The following LSAMP variants were observed in gnomAD, a reference collection of about 807,000 sequenced individuals.
The protein encoded by LSAMP is limbic system-associated membrane protein.
Under a neutral mutation model 38.6 loss-of-function variants are expected in LSAMP, and 7 were observed. The ratio of observed to expected loss-of-function variants is 0.18; its 90% CI spans 0.10 to 0.34. The LOEUF (loss-of-function observed/expected upper bound fraction) is 0.34, where lower values mean the gene tolerates loss of function less well. Ranked by LOEUF, LSAMP falls within the 10% of genes least tolerant of loss-of-function variation. LSAMP has a pLI of 1.00. For synonymous variants in LSAMP, 154 were observed against 166.8 expected (o/e 0.92, Z 0.59); for missense variants, 313 against 420.0 (o/e 0.75, Z 2.23).
At chr3:116,213,798 C>G (rs1004278089) in intron 1 of LSAMP, among the ~76,000 whole-genome samples, 1 of 152,044 alleles carries the variant, frequency 6.6e-6, no homozygotes, top group African/African-American at 2.4e-5. Flanking sequence ...GTGAAATAAG[C>G]CAGGCAGATG....
At chr3:116,247,527 G>T (rs1322563766) in intron 1 of LSAMP, among the ~76,000 whole-genome samples, 6 of 152,148 alleles carry the variant, frequency 3.9e-5, no homozygotes, top group African/African-American at 2.4e-5. Context: ...TGACATAGAA[G>T]AATAATATTA....
At chr3:116,173,752 T>C (rs1442745901) in intron 1 of LSAMP, among the ~76,000 whole-genome samples, 3 of 148,866 alleles carry the variant, frequency 2.0e-5, no homozygotes, top group Non-Finnish European at 4.4e-5. Flanking sequence ...CCTGCCATAA[T>C]AGAAGAAATA....
intron 1 of LSAMP, among the ~76,000 whole-genome samples, chr3:116,435,119 T>C (rs1003159841): frequency 4.6e-5 from 7 of 152,190 alleles, no homozygotes; most frequent in Non-Finnish European, 1.0e-4. Context: ...TCTGAGATTA[T>C]ACAGTAAGAG....
chr3:116,114,849 CTAT>C (rs750264337), intron 1 of LSAMP, among the ~76,000 whole-genome samples: 7 of 152,284 alleles, frequency 4.6e-5, no homozygotes, highest in Non-Finnish European at 8.8e-5. Flanking sequence ...TTTAGTTCAG[CTAT>C]TATGTCAGTG....
At chr3:115,854,250 A>G (rs965221514) in intron 3 of LSAMP, among the ~76,000 whole-genome samples, 1 of 124,294 alleles carries the variant, frequency 8.0e-6, no homozygotes, top group Admixed American at 9.3e-5. Flanking sequence ...ATATAGTTAA[A>G]TATTATTATT....
At chr3:116,103,761 G>C (rs576321228) in intron 1 of LSAMP, among the ~76,000 whole-genome samples, 1 of 152,076 alleles carries the variant, frequency 6.6e-6, no homozygotes, top group South Asian at 2.1e-4. Context: ...ACCTCTGCTA[G>C]ACTGTAAAAT....
intron 1 of LSAMP, among the ~76,000 whole-genome samples, chr3:116,185,587 T>C (rs963673761): frequency 6.6e-6 from 1 of 152,102 alleles, no homozygotes; most frequent in Non-Finnish European, 1.5e-5. Context: ...ATCTTCCTCA[T>C]AGATTTTGCA....
intron 1 of LSAMP, among the ~76,000 whole-genome samples, chr3:116,119,270 C>A (rs114596829): frequency 0.018 from 2,795 of 151,748 alleles, 88 homozygotes; most frequent in African/African-American, 0.064. Context: ...TTGTATCTTT[C>A]TTCTTCCAGT....
intron 1 of LSAMP, among the ~76,000 whole-genome samples, chr3:116,417,812 G>C (rs530892726): frequency 6.8e-6 from 1 of 148,148 alleles, no homozygotes; most frequent in South Asian, 2.1e-4. Context: ...GTGTATCTTT[G>C]AGGCTCCATC....
At chr3:116,433,497 G>A (rs2049308747) in intron 1 of LSAMP, among the ~76,000 whole-genome samples, 1 of 152,064 alleles carries the variant, frequency 6.6e-6, no homozygotes, top group Non-Finnish European at 1.5e-5. Flanking sequence ...GGAAATTTGG[G>A]ATTATTGCAA....
At chr3:116,172,789 T>A (rs772968190) in intron 1 of LSAMP, among the ~76,000 whole-genome samples, 1 of 152,028 alleles carries the variant, frequency 6.6e-6, no homozygotes, top group African/African-American at 2.4e-5. Context: ...GGATGTTTAG[T>A]GTCATGATTC....
chr3:116,030,966 CA>C (rs1301390208), intron 2 of LSAMP, among the ~76,000 whole-genome samples: 1 of 151,864 alleles, frequency 6.6e-6, no homozygotes. Context: ...CATGGGCAAC[CA>C]AAATATTTTT....
At chr3:115,930,005 T>TTTTTG (rs1374371222) in intron 3 of LSAMP, among the ~76,000 whole-genome samples, 1 of 131,954 alleles carries the variant, frequency 7.6e-6, no homozygotes, top group Admixed American at 7.6e-5. Flanking sequence ...AGCAGAAGTT[T>TTTTTG]TTTTTTTTTT....
chr3:116,067,933 G>A (rs1301904091), intron 2 of LSAMP, among the ~76,000 whole-genome samples: 1 of 152,028 alleles, frequency 6.6e-6, no homozygotes, highest in African/African-American at 2.4e-5. Context: ...TTTCAGACAC[G>A]ATTGAAAACT....
intron 3 of LSAMP, among the ~76,000 whole-genome samples, chr3:116,013,531 C>T (rs546514509): frequency 2.0e-5 from 3 of 152,044 alleles, no homozygotes; most frequent in Admixed American, 6.6e-5. Context: ...TGAGACTATA[C>T]TGGGAAAGTA....
intron 3 of LSAMP, among the ~76,000 whole-genome samples, chr3:115,958,307 AT>A (rs1338221121): frequency 6.6e-6 from 1 of 152,162 alleles, no homozygotes; most frequent in Non-Finnish European, 1.5e-5. Context: ...ATTTTGACAA[AT>A]TTTCCAAATA....
At chr3:116,066,086 G>A (rs1400094684) in intron 2 of LSAMP, among the ~76,000 whole-genome samples, 3 of 152,128 alleles carry the variant, frequency 2.0e-5, no homozygotes, top group Non-Finnish European at 4.4e-5. Context: ...TCTGGAGACC[G>A]AGAAGTCAAA....
rs16824881 is a variant in LSAMP at position 116,415,806 on chromosome 3, T to C, written c.155+29071A>G. ...TGCAGAAAATGCAAATGAAAGATTCTGGACTATATCAACAAGGCTTTGGGC... is the reference window on the plus strand; with the variant it reads ...TGCAGAAAATGCAAATGAAAGATTCCGGACTATATCAACAAGGCTTTGGGC... On this transcript the variant is annotated intron_variant, in intron 1 of 6. Coordinates refer to ENST00000490035, the MANE Select transcript of LSAMP (RefSeq NM_002338.5). Among the ~76,000 whole-genome samples, 84 of 152,238 alleles carry C rather than the reference T, an allele frequency of 5.5e-4. 1 individual carries two copies. The East Asian group carries it at 0.015, about 28-fold the overall frequency.
At chr3:116,191,397 CT>C (rs1398625531) in intron 1 of LSAMP, among the ~76,000 whole-genome samples, 5 of 152,220 alleles carry the variant, frequency 3.3e-5, no homozygotes, top group Admixed American at 2.6e-4. Context: ...CCTAAGGGAT[CT>C]ACAGGTGGGT....
Sources: gnomAD v4.1 joint callset for allele counts (sites outside exome capture counted in the v4.1 genomes callset) on GRCh38, gnomAD v4.1.1 for gene constraint, MANE v1.5 for transcripts, NCBI Gene and HGNC (gene_info 2026-07-23, HGNC 2026-07-21) for gene names.